The following ZNF676 variants were observed in gnomAD, a reference collection of about 807,000 sequenced individuals.
The protein encoded by ZNF676 is zinc finger protein 676.
ZNF676 carries 4 observed loss-of-function variants against 6.0 expected under a neutral mutation model. The observed-to-expected ratio is 0.67, with a 90% CI of 0.33 to 1.53. ZNF676 has a LOEUF of 1.53. Ranked by LOEUF, ZNF676 falls within the 40% of genes most tolerant of loss-of-function variation. The pLI, the probability that ZNF676 is intolerant of heterozygous loss-of-function variation, is 0.06. For missense variants in ZNF676, 644 were observed against 679.7 expected, an observed-to-expected ratio of 0.95 and a Z score of 0.58; for synonymous variants, 198 against 223.1, an observed-to-expected ratio of 0.89 and a Z score of 1.00.
At chr19:22,219,819 C>A (rs1399721594), upstream of ZNF676, among the ~76,000 whole-genome samples, 1 of 151,960 alleles carries the variant, frequency 6.6e-6, no homozygotes, top group African/African-American at 2.4e-5. Flanking sequence ...TCATGCCTGG[C>A]TAATTTTTGT....
the ZNF676 span, among the ~76,000 whole-genome samples, chr19:22,241,705 T>TA: frequency 6.6e-6 from 1 of 151,840 alleles, no homozygotes; most frequent in African/African-American, 2.4e-5. Context: ...CCCATGATTG[T>TA]ACTCATGGCC....
chr19:22,221,999 A>G, the ZNF676 span, among the ~76,000 whole-genome samples: 1 of 152,036 alleles, frequency 6.6e-6, no homozygotes, highest in African/African-American at 2.4e-5. Flanking sequence ...AAGTCCCCCA[A>G]TATTTTTATG....
At chr19:22,210,018 T>G (rs2024114011) in intron 1 of ZNF676, among the ~76,000 whole-genome samples, 1 of 152,104 alleles carries the variant, frequency 6.6e-6, no homozygotes, top group Non-Finnish European at 1.5e-5. Flanking sequence ...CTGGCAGCTG[T>G]GGCAAAAGGG....
chr19:22,221,269 G>T, the ZNF676 span, among the ~76,000 whole-genome samples: 2 of 151,916 alleles, frequency 1.3e-5, no homozygotes, highest in African/African-American at 4.8e-5. Context: ...TTAATATGTT[G>T]TGTCACTATT....
At chr19:22,250,518 AG>A in the ZNF676 span, among the ~76,000 whole-genome samples, 275 of 152,218 alleles carry the variant, frequency 1.8e-3, 2 homozygotes, top group African/African-American at 6.3e-3. Flanking sequence ...TCCCGGGTTC[AG>A]GTGATTCTCA....
chr19:22,197,063 C>A, upstream of ZNF676: 1 of 230,970 alleles, frequency 4.3e-6, no homozygotes, highest in South Asian at 5.8e-5. Flanking sequence ...TGGCTCATGC[C>A]TGTAATCCCA....
the ZNF676 span, among the ~76,000 whole-genome samples, chr19:22,239,112 C>T: frequency 6.6e-6 from 1 of 152,028 alleles, no homozygotes; most frequent in African/African-American, 2.4e-5. Context: ...ACAGTCATCA[C>T]CATTTTTCTA....
intron 1 of ZNF676, among the ~76,000 whole-genome samples, chr19:22,207,269 C>T (rs34312380): frequency 0.28 from 42,136 of 149,778 alleles, 5,428 homozygotes; most frequent in Non-Finnish European, 0.36. Flanking sequence ...AAGAAATGTA[C>T]AAAAATTAGT....
chr19:22,205,366 C>T (rs1206890421), intron 1 of ZNF676, among the ~76,000 whole-genome samples: 1 of 152,090 alleles, frequency 6.6e-6, no homozygotes, highest in Non-Finnish European at 1.5e-5. Context: ...TTCTTCTCAT[C>T]ACCACATGGC....
At chr19:22,201,097 C>A (rs1264545290), upstream of ZNF676, among the ~76,000 whole-genome samples, 1 of 152,210 alleles carries the variant, frequency 6.6e-6, no homozygotes, top group Non-Finnish European at 1.5e-5. Flanking sequence ...TGGCTGAACT[C>A]CAGAATCTGG....
the ZNF676 span, among the ~76,000 whole-genome samples, chr19:22,251,714 G>A: frequency 2.0e-5 from 3 of 151,120 alleles, no homozygotes; most frequent in African/African-American, 7.3e-5. Context: ...CTTGAACCTG[G>A]GAGCCAGAGT....
At chr19:22,223,000 C>T in the ZNF676 span, among the ~76,000 whole-genome samples, 1 of 152,078 alleles carries the variant, frequency 6.6e-6, no homozygotes, top group Non-Finnish European at 1.5e-5. Context: ...CAGAATTGGC[C>T]ATAAACTGTG....
rs1472327906 is a variant in ZNF676 at position 22,196,730 on chromosome 19, G to A, written c.-97C>T. 1 of 1,600,030 alleles carries A rather than the reference G, an allele frequency of 6.2e-7. No homozygotes were observed. The highest frequency in any genetic ancestry group is 8.6e-7 in the Non-Finnish European group (1 of 1,167,844). ...CATCCCTAAATGTCAATGCTCCCTG[G>A]AAAACACACACAAACACATATATTT... On this transcript the variant is annotated 5_prime_UTR_variant, in exon 1 of 3. Transcript: ENST00000397121.
upstream of ZNF676, among the ~76,000 whole-genome samples, chr19:22,217,951 G>A (rs766301839): frequency 6.6e-6 from 1 of 150,838 alleles, no homozygotes; most frequent in African/African-American, 2.4e-5. Context: ...TGATCCACCC[G>A]TCTTGGTCTC....
At chr19:22,207,306 A>C (rs2024085780) in intron 1 of ZNF676, among the ~76,000 whole-genome samples, 1 of 152,224 alleles carries the variant, frequency 6.6e-6, no homozygotes, top group African/African-American at 2.4e-5. Flanking sequence ...AAGAACACCT[A>C]GGCCAAATCC....
At chr19:22,222,971 G>A in the ZNF676 span, among the ~76,000 whole-genome samples, 1 of 152,202 alleles carries the variant, frequency 6.6e-6, no homozygotes, top group Non-Finnish European at 1.5e-5. Context: ...CCAGGTCACT[G>A]TGTGGGATTC....
chr19:22,233,075 T>C, the ZNF676 span, among the ~76,000 whole-genome samples: 1 of 152,152 alleles, frequency 6.6e-6, no homozygotes, highest in Non-Finnish European at 1.5e-5. Flanking sequence ...GGTGTGAGTA[T>C]AAAAGTAAAA....
At chr19:22,224,406 G>A in the ZNF676 span, among the ~76,000 whole-genome samples, 2 of 149,158 alleles carry the variant, frequency 1.3e-5, no homozygotes, top group Admixed American at 1.3e-4. Context: ...ATATTTGTGT[G>A]TTTTTATCTA....
chr19:22,200,535 T>TTTTTTC (rs2024015012), upstream of ZNF676, among the ~76,000 whole-genome samples: 1 of 148,826 alleles, frequency 6.7e-6, no homozygotes, highest in South Asian at 2.2e-4. Flanking sequence ...TTTTTTTTTT[T>TTTTTTC]TGAGACTGAG....
Sources: allele counts gnomAD v4.1 joint callset (sites outside exome capture counted in the v4.1 genomes callset), GRCh38; gene constraint gnomAD v4.1.1; transcripts MANE v1.5; gene names NCBI Gene and HGNC (gene_info 2026-07-23, HGNC 2026-07-21).